Variants in SMTN observed in about 807,000 individuals in gnomAD.
SMTN encodes the protein smoothelin.
Under a neutral mutation model 102.0 loss-of-function variants are expected in SMTN, and 58 were observed. The ratio of observed to expected loss-of-function variants is 0.57; its 90% CI spans 0.46 to 0.71. The LOEUF (loss-of-function observed/expected upper bound fraction) is 0.71, where lower values mean the gene tolerates loss of function less well. Ranked by LOEUF, SMTN falls within the 30% of genes least tolerant of loss-of-function variation. SMTN has a pLI of 0.00. For missense variants in SMTN, 1,185 were observed against 1,241.7 expected, an observed-to-expected ratio of 0.95 and a Z score of 0.69; for synonymous variants, 478 against 497.9, an observed-to-expected ratio of 0.96 and a Z score of 0.53.
chr22:31,079,804 C>G (rs117554634), upstream of SMTN, among the ~76,000 whole-genome samples: 4,672 of 152,312 alleles, frequency 0.031, 108 homozygotes, highest in Middle Eastern at 0.088. Context: ...TGCTCTGTCG[C>G]TTAGGCTGGA....
chr22:31,083,592 G>A, intron 2 of SMTN: 1 of 326,990 alleles, frequency 3.1e-6, no homozygotes. Flanking sequence ...AGCCACAGGT[G>A]TGGGGAGGCT....
At chr22:31,084,036 C>A (rs2042489419) in intron 2 of SMTN, among the ~76,000 whole-genome samples, 1 of 152,202 alleles carries the variant, frequency 6.6e-6, no homozygotes, top group Non-Finnish European at 1.5e-5. Flanking sequence ...AGCTCTAGGT[C>A]CTAGAGTTGG....
intron 20 of SMTN, chr22:31,102,713 T>G (rs2044188577): frequency 6.6e-6 from 1 of 152,338 alleles, no homozygotes; most frequent in South Asian, 2.1e-4. Context: ...GCCTGAGCCC[T>G]GAGCCCTGAG....
At chr22:31,081,126 C>A, upstream of SMTN, among the ~76,000 whole-genome samples, 2 of 151,932 alleles carry the variant, frequency 1.3e-5, 1 homozygote, top group Admixed American at 1.3e-4. Context: ...CCGAGGCAGA[C>A]GACCCCAAGA....
chr22:31,101,783 CAAAAAAAAAAAAAA>C (rs35106237), intron 20 of SMTN: 9 of 69,864 alleles, frequency 1.3e-4, no homozygotes, highest in Non-Finnish European at 2.1e-4. Flanking sequence ...GACTCCATCT[CAAAAAAAAAAAAAA>C]AAAAAAAAAA....
At chr22:31,087,031 C>T (rs887384290) in intron 2 of SMTN, 1 of 152,228 alleles carries the variant, frequency 6.6e-6, no homozygotes, top group South Asian at 2.1e-4. Context: ...TACTGGCTCC[C>T]GTCTGGTTAT....
At position 31,090,817 on chromosome 22, in the gene SMTN, GACCC is replaced by G. The variant is rs2043070593; in HGVS notation, c.876_879del (p.Pro293AspfsTer63). ...CTCCCCAACCTGCCAGACGTGGCTG[GACCC>G]CGACCCTGCCAACGCTCCCTGTCGG... On this transcript the variant is annotated frameshift_variant, in exon 9 of 21. Coordinates refer to ENST00000333137, the MANE Select transcript of SMTN (RefSeq NM_134269.3). LOFTEE classifies it high-confidence loss of function. 4 of 1,613,586 alleles carry G rather than the reference GACCC, an allele frequency of 2.5e-6. No homozygotes were observed. Among genetic ancestry groups the G allele is most frequent in the African/African-American group, 1.3e-5 (1 of 74,834 alleles).
intron 11 of SMTN, among the ~76,000 whole-genome samples, chr22:31,094,388 T>A (rs1003994493): frequency 6.6e-6 from 1 of 152,178 alleles, no homozygotes; most frequent in Non-Finnish European, 1.5e-5. Context: ...AGACACCTGG[T>A]CAGGAGCCTA....
Position 31,088,708 on chromosome 22 carries a change from G to A in SMTN, c.304G>A (p.Ala102Thr), listed in dbSNP as rs753583219. 1.1e-5 allele frequency: 17 copies of A among 1,613,606 alleles called. No homozygotes were observed. Among genetic ancestry groups the A allele is most frequent in the South Asian group, 9.9e-5 (9 of 91,052 alleles). The change falls in exon 5 of 21, where the codon GCT becomes ACT. Residue 102 changes from alanine (A) to threonine (T), a missense_variant. Ala to Thr is a moderately conservative substitution (Grantham distance 58, BLOSUM62 0). Coordinates refer to ENST00000333137, the MANE Select transcript of SMTN (RefSeq NM_134269.3). ...TGTCTCTTACCCACAGTTGCGAAGCGCTGGTGAGTATGAGGAGCGCAAGCT... is the reference window on the plus strand; with the variant it reads ...TGTCTCTTACCCACAGTTGCGAAGCACTGGTGAGTATGAGGAGCGCAAGCT... ...VEELTALLRS[A>T]GEYEERKLIR...
chr22:31,089,759 G>A lies in SMTN; in HGVS notation c.532G>A (p.Glu178Lys). The A allele has an allele frequency of 6.2e-7, 1 of 1,611,530 alleles. No individual in the cohort carries two copies. Among genetic ancestry groups the A allele is most frequent in the South Asian group, 1.1e-5 (1 of 91,080 alleles). Residue 178 changes from glutamate to lysine, a missense_variant, in exon 7 of 21, where the codon GAA becomes AAA. Coordinates refer to ENST00000333137, the MANE Select transcript of SMTN (RefSeq NM_134269.3). ...GGTTTCAAAGCCAACCCCCACCCCT[G>A]AAGGCACCAGCCAGGATGTGACCAC... The part of the protein sequence containing the change: ...AEVSKPTPTP[E>K]GTSQDVTTVT...
At chr22:31,098,370 G>A (rs2043766996) in intron 16 of SMTN, among the ~76,000 whole-genome samples, 1 of 151,878 alleles carries the variant, frequency 6.6e-6, no homozygotes, top group Non-Finnish European at 1.5e-5. Flanking sequence ...TTTTATTATC[G>A]GATAGTGCCC....
Position 31,091,254 on chromosome 22 carries a change from C to G in SMTN, c.1231C>G (p.Pro411Ala). 2 of 1,603,598 alleles carry G rather than the reference C, an allele frequency of 1.2e-6. No homozygotes were observed. Among genetic ancestry groups the G allele is most frequent in the Non-Finnish European group, 1.7e-6 (2 of 1,175,350 alleles). ...AQPLAQLRSC[P>A]QEEGPRGRGL... is the part of the protein sequence containing the mutation. Reference sequence around the variant, plus strand: ...GCCCCTGGCCCAGCTTCGAAGCTGCCCCCAGGAGGAGGGCCCCAGGGGGCG... The same window carrying G: ...GCCCCTGGCCCAGCTTCGAAGCTGCGCCCAGGAGGAGGGCCCCAGGGGGCG... The change falls in exon 10 of 21, where the codon CCC becomes GCC. Residue 411 changes from proline (P) to alanine (A), a missense_variant. Physicochemically the swap from Pro to Ala is conservative, Grantham distance 27. This residue lies in a region of SMTN where 1,096 missense variants were observed against 1,112.7 expected (regional missense o/e 0.98). Transcript: ENST00000333137.
upstream of SMTN, among the ~76,000 whole-genome samples, chr22:31,077,469 AG>A (rs1445432524): frequency 2.0e-5 from 3 of 152,158 alleles, no homozygotes; most frequent in Non-Finnish European, 4.4e-5. Context: ...CCTACCTCAC[AG>A]GACTCAAGCT....
chr22:31,093,802 A>C, intron 11 of SMTN: 2 of 1,591,774 alleles, frequency 1.3e-6, no homozygotes, highest in Non-Finnish European at 1.7e-6. Context: ...GGATGCCGGG[A>C]CCCCCGTGGC....
At chr22:31,068,301 T>C (rs945956269) in intron 1 of SMTN, 1 of 149,686 alleles carries the variant, frequency 6.7e-6, no homozygotes, top group Non-Finnish European at 1.5e-5. Flanking sequence ...TGAAACTCCA[T>C]CTCAAAAAAA....
chr22:31,097,317 C>T lies in SMTN; in HGVS notation c.2138C>T (p.Ser713Phe), dbSNP rs1372025407. ...CAAACCAAGACCTTCTCCTCTTCCT[C>T]CTCATCCAAGAAGATGGGCAGGTGA... ...MMQTKTFSSSSSSKKMGSIFD... is the reference protein window; with the variant it reads ...MMQTKTFSSSFSSKKMGSIFD... Residue 713 changes from serine to phenylalanine, a missense_variant, in exon 16 of 21, where the codon TCC becomes TTC. Around this residue, in one of 2 missense-constraint regions of SMTN, gnomAD observed 1,096 missense variants for 1,112.7 expected, o/e 0.98. Transcript: ENST00000333137. 1 of 1,614,146 alleles carries T rather than the reference C, an allele frequency of 6.2e-7. No homozygotes were observed. The highest frequency in any genetic ancestry group is 1.7e-5 in the Admixed American group (1 of 60,022).
upstream of SMTN, among the ~76,000 whole-genome samples, chr22:31,078,139 T>C (rs949511881): frequency 1.3e-5 from 2 of 152,148 alleles, no homozygotes; most frequent in Non-Finnish European, 2.9e-5. Context: ...GCTCCTCCAT[T>C]GTGCATATGA....
At chr22:31,069,183 C>G (rs180801519) in intron 1 of SMTN, among the ~76,000 whole-genome samples, 7 of 152,290 alleles carry the variant, frequency 4.6e-5, no homozygotes, top group Middle Eastern at 3.4e-3. Flanking sequence ...GGTTATTATA[C>G]GTCTGATTGA....
At chr22:31,100,064 C>G (rs749708476) in intron 19 of SMTN, among the ~76,000 whole-genome samples, 168 bp downstream of exon 19, 8 of 151,960 alleles carry the variant, frequency 5.3e-5, no homozygotes, top group African/African-American at 7.2e-5. Flanking sequence ...CCCACCCCCC[C>G]GCTGCTGAGC....
Sources: gnomAD v4.1 joint callset for allele counts (sites outside exome capture counted in the v4.1 genomes callset) on GRCh38, gnomAD v4.1.1 for gene constraint, gnomAD v4.1.1 regional missense constraint, MANE v1.5 for transcripts, NCBI Gene and HGNC (gene_info 2026-07-23, HGNC 2026-07-21) for gene names.